NT5M: variants seen among roughly 807,000 people sequenced by gnomAD.
NT5M encodes 5'(3')-deoxyribonucleotidase, mitochondrial.
In NT5M, 22 loss-of-function variants were observed where a neutral mutation model predicts 22.2. That is an observed-to-expected ratio of 0.99 (90% CI 0.71 to 1.41). The LOEUF (loss-of-function observed/expected upper bound fraction) is 1.41. Among genes scored for constraint, NT5M ranks in the 40% most tolerant of loss-of-function variants. The probability of loss-of-function intolerance (pLI) is 0.00; values close to 1 mark genes in which losing one functional copy is unlikely to be tolerated. For missense variants in NT5M, 322 were observed against 314.8 expected (o/e 1.02, Z -0.17); for synonymous variants, 167 against 133.0 (o/e 1.26, Z -1.76).
At chr17:17,315,243 G>A (rs2048999138) in intron 2 of NT5M, among the ~76,000 whole-genome samples, 1 of 152,162 alleles carries the variant, frequency 6.6e-6, no homozygotes, top group East Asian at 1.9e-4. Context: ...GTAAGAGGCA[G>A]TTTATTCATG....
intron 3 of NT5M, 149 bp from the exon 4 acceptor site, chr17:17,344,645 C>T: frequency 2.2e-6 from 2 of 904,250 alleles, no homozygotes; most frequent in Non-Finnish European, 3.4e-6. Context: ...CCAGCACTGA[C>T]TGCCTGGCGC....
chr17:17,332,970 T>C (rs961145244), intron 3 of NT5M, among the ~76,000 whole-genome samples: 1 of 152,174 alleles, frequency 6.6e-6, no homozygotes, highest in Non-Finnish European at 1.5e-5. Context: ...TTAAAAAAAA[T>C]CCACAGTGAA....
At chr17:17,305,123 A>G (rs2048767108) in intron 1 of NT5M, among the ~76,000 whole-genome samples, 1 of 152,012 alleles carries the variant, frequency 6.6e-6, no homozygotes, top group Non-Finnish European at 1.5e-5. Flanking sequence ...GACACCATAT[A>G]TCCGCCCGGG....
chr17:17,310,837 G>A (rs2048908726), intron 2 of NT5M, among the ~76,000 whole-genome samples: 2 of 152,166 alleles, frequency 1.3e-5, no homozygotes, highest in Admixed American at 1.3e-4. Flanking sequence ...CTCCAGCCTA[G>A]GTGACAAGAG....
intron 3 of NT5M, among the ~76,000 whole-genome samples, chr17:17,326,797 A>G (rs1162097836): frequency 6.6e-6 from 1 of 152,216 alleles, no homozygotes; most frequent in Non-Finnish European, 1.5e-5. Flanking sequence ...TCACACTCAT[A>G]GTGGATGTCC....
chr17:17,339,053 C>T (rs1422031235), intron 3 of NT5M, among the ~76,000 whole-genome samples: 1 of 152,098 alleles, frequency 6.6e-6, no homozygotes, highest in African/African-American at 2.4e-5. Context: ...ATAGGGATTG[C>T]ATTAAATCTG....
At chr17:17,337,987 G>A (rs9908338) in intron 3 of NT5M, among the ~76,000 whole-genome samples, 38,739 of 152,082 alleles carry the variant, frequency 0.25, 5,581 homozygotes, top group African/African-American at 0.39. Context: ...CCAGACCAAT[G>A]TCCTGGAGAG....
chr17:17,340,183 G>C (rs1306810530), intron 3 of NT5M, among the ~76,000 whole-genome samples: 1 of 152,070 alleles, frequency 6.6e-6, no homozygotes, highest in East Asian at 1.9e-4. Flanking sequence ...TGTTTGTTTT[G>C]AATTTCTTCA....
Position 17,303,722 on chromosome 17 carries a change from C to T in NT5M, c.172C>T (p.Arg58Cys), listed in dbSNP as rs1210281752. ...DFEGGFLRKF[R>C]ARFPDQPFIA... is the part of the protein sequence containing the mutation. ...CGAGGGCGGATTCCTCAGGAAGTTC[C>T]GCGCGCGCTTTCCCGACCAGCCCTT... The change falls in exon 1 of 5, where the codon CGC becomes TGC. Residue 58 changes from arginine to cysteine, a missense_variant. Transcript: ENST00000389022. The T allele has an allele frequency of 1.3e-6, 2 of 1,591,920 alleles. No homozygotes were observed. Among genetic ancestry groups the T allele is most frequent in the Admixed American group, 3.4e-5 (2 of 58,346 alleles).
chr17:17,346,827 G>C lies in NT5M; in HGVS notation c.567G>C (p.Trp189Cys), dbSNP rs146354908. ...CAGGGGCCGAGCCAACCCCCAGCTG[G>C]GAGCATGTCCTCTTCACCGCCTGCC... Reference protein sequence around the residue: ...DITGAEPTPSWEHVLFTACHN... With the variant: ...DITGAEPTPSCEHVLFTACHN... Residue 189 changes from tryptophan (W) to cysteine (C), a missense_variant, in exon 5 of 5, where the codon TGG becomes TGC. Physicochemically the swap from Trp to Cys is radical, Grantham distance 215. Transcript: ENST00000389022. 1.5e-5 allele frequency: 24 copies of C among 1,607,864 alleles called. No individual in the cohort carries two copies. Among genetic ancestry groups the C allele is most frequent in the East Asian group, 2.2e-5 (1 of 44,878 alleles).
chr17:17,314,333 C>T (rs1024421653), intron 2 of NT5M, among the ~76,000 whole-genome samples: 2 of 152,120 alleles, frequency 1.3e-5, no homozygotes, highest in African/African-American at 4.8e-5. Flanking sequence ...TCGTGCCCGG[C>T]CGAATATATT....
intron 3 of NT5M, among the ~76,000 whole-genome samples, chr17:17,329,985 C>CAAACA (rs921636515): frequency 4.6e-5 from 7 of 151,594 alleles, no homozygotes; most frequent in South Asian, 2.1e-4. Context: ...AAAACAAAAA[C>CAAACA]AAACAAAACA....
intron 4 of NT5M, 48 bp from the exon 5 acceptor site, chr17:17,346,757 C>T (rs529156189): frequency 1.1e-5 from 17 of 1,600,828 alleles, no homozygotes; most frequent in East Asian, 2.2e-5. Context: ...TAGGCGGCTG[C>T]GCTCCAGGTC....
intron 2 of NT5M, among the ~76,000 whole-genome samples, chr17:17,310,587 AGC>A: frequency 6.6e-6 from 1 of 152,334 alleles, no homozygotes; most frequent in African/African-American, 2.4e-5. Context: ...CTGTAATCTC[AGC>A]ACTTGGCAGG....
intron 3 of NT5M, among the ~76,000 whole-genome samples, chr17:17,340,567 C>T (rs536734566): frequency 2.0e-5 from 3 of 151,864 alleles, no homozygotes; most frequent in Non-Finnish European, 4.4e-5. Flanking sequence ...TGCTCTGTCG[C>T]CCAGGCTGGA....
At chr17:17,331,814 T>A (rs1000717822) in intron 3 of NT5M, among the ~76,000 whole-genome samples, 7 of 151,234 alleles carry the variant, frequency 4.6e-5, no homozygotes, top group African/African-American at 7.4e-5. Context: ...GGAGTCTCGC[T>A]GTGTCACCTA....
At chr17:17,337,215 T>G (rs1008582199) in intron 3 of NT5M, among the ~76,000 whole-genome samples, 8 of 152,154 alleles carry the variant, frequency 5.3e-5, no homozygotes, top group African/African-American at 1.9e-4. Context: ...GAGCACCTTT[T>G]TATATACCTG....
Position 17,303,533 on chromosome 17 carries a change from G to T in NT5M, c.-18G>T. 1 of 1,044,892 alleles carries T rather than the reference G, an allele frequency of 9.6e-7. No homozygotes were observed. Among genetic ancestry groups the T allele is most frequent in the Non-Finnish European group, 1.1e-6 (1 of 869,804 alleles). The allele number at this position is 1,044,892 out of a possible 1,614,324, so 64.7% of individuals were successfully genotyped here. On this transcript the variant is annotated 5_prime_UTR_variant, in exon 1 of 5. Coordinates refer to ENST00000389022, the MANE Select transcript of NT5M (RefSeq NM_020201.4). ...CGGCCCAGGTCCCCGCGCCCACGAC[G>T]GGCCAGCGCGCTGGGCCATGATCCG...
chr17:17,310,848 C>T (rs1014925488), intron 2 of NT5M, among the ~76,000 whole-genome samples: 3 of 151,916 alleles, frequency 2.0e-5, no homozygotes, highest in East Asian at 3.9e-4. Flanking sequence ...GTGACAAGAG[C>T]GAGACCCTGT....
Sources: allele counts gnomAD v4.1 joint callset (sites outside exome capture counted in the v4.1 genomes callset), GRCh38; gene constraint gnomAD v4.1.1; transcripts MANE v1.5; gene names NCBI Gene and HGNC (gene_info 2026-07-23, HGNC 2026-07-21).